PLA1A: variants seen among roughly 807,000 people sequenced by gnomAD.
The protein encoded by PLA1A is phospholipase A1 member A.
A neutral mutation model predicts 49.4 loss-of-function variants in PLA1A; 47 were observed. The observed-to-expected ratio is 0.95, with a 90% CI of 0.75 to 1.21. The LOEUF (loss-of-function observed/expected upper bound fraction) is 1.21, where lower values mean the gene tolerates loss of function less well. PLA1A is among the 50% of genes most tolerant of loss of function. The probability of loss-of-function intolerance (pLI) is 0.00; values close to 1 mark genes in which losing one functional copy is unlikely to be tolerated. For synonymous variants in PLA1A, 224 were observed against 207.9 expected (o/e 1.08, Z -0.67); for missense variants, 561 against 563.9 (o/e 0.99, Z 0.05).
At chr3:119,598,306 C>T (rs1008144939) in intron 1 of PLA1A, among the ~76,000 whole-genome samples, 3 of 152,144 alleles carry the variant, frequency 2.0e-5, no homozygotes, top group Admixed American at 6.5e-5. Context: ...TCATTTTTCA[C>T]CCCATAAATA....
Position 119,609,463 on chromosome 3 carries a change from T to A in PLA1A, c.454-5T>A. The A allele has an allele frequency of 6.3e-7, 1 of 1,586,252 alleles. No individual in the cohort carries two copies. The highest frequency in any genetic ancestry group is 8.7e-7 in the Non-Finnish European group (1 of 1,154,742). Reference sequence around the variant, plus strand: ...ACGGGGAACTCACTGTTCCTGCTCTTCTAGGTGCTGGGTGTGTCGGAATCC... The same window carrying A: ...ACGGGGAACTCACTGTTCCTGCTCTACTAGGTGCTGGGTGTGTCGGAATCC... On this transcript the variant is annotated splice_polypyrimidine_tract_variant and splice_region_variant and intron_variant, in intron 3 of 10. Coordinates refer to ENST00000273371, the MANE Select transcript of PLA1A (RefSeq NM_015900.4).
Position 119,609,637 on chromosome 3 carries a change from T to C in PLA1A, c.562+61T>C. On this transcript the variant is annotated intron_variant, in intron 4 of 10. Coordinates refer to ENST00000273371, the MANE Select transcript of PLA1A (RefSeq NM_015900.4). ...AGATAGAGAAAGCTTGCCCTGAAAA[T>C]ATCTCTTCTAAAGCAAGCAGAGGGG... 4 of 931,936 alleles carry C rather than the reference T, an allele frequency of 4.3e-6. No individual in the cohort carries two copies. In the Middle Eastern group the frequency reaches 8.7e-4, roughly 202 times the overall value. The allele number at this position is 931,936 out of a possible 1,614,324, so 57.7% of individuals were successfully genotyped here.
In PLA1A at chr3:119,619,607, G is replaced by A; in HGVS notation, c.967G>A (p.Glu323Lys). ...GGVKIEPLPK[E>K]VKVYLLTTSS... ...TGTCAAGATAGAGCCGCTCCCCAAG[G>A]AAGTGAAAGTCTACCTCCTGACTAC... Residue 323 changes from glutamate to lysine, a missense_variant, in exon 8 of 11, where the codon GAA (glutamate) becomes AAA (lysine). Transcript: ENST00000273371. 1 of 1,613,860 alleles carries A rather than the reference G, an allele frequency of 6.2e-7. No individual in the cohort carries two copies. The highest frequency in any genetic ancestry group is 8.5e-7 in the Non-Finnish European group (1 of 1,179,738).
chr3:119,624,984 G>C, intron 8 of PLA1A, 140 bp from the exon 9 acceptor site: 1 of 601,010 alleles, frequency 1.7e-6, no homozygotes, highest in East Asian at 2.8e-5. Context: ...GAGGACCTGA[G>C]ATTATAGGTG....
intron 4 of PLA1A, among the ~76,000 whole-genome samples, 191 bp downstream of exon 4, chr3:119,609,767 C>T (rs369537939): frequency 2.6e-5 from 4 of 152,116 alleles, no homozygotes; most frequent in East Asian, 3.8e-4. Context: ...TGCATGATTT[C>T]TAATATCAAT....
chr3:119,615,872 G>A (rs1577147414), intron 5 of PLA1A, 140 bp from the exon 6 acceptor site: 1 of 624,000 alleles, frequency 1.6e-6, no homozygotes, highest in South Asian at 1.9e-5. Context: ...AAATCTGTCT[G>A]AGGGCTCATC....
At chr3:119,613,555 T>TC (rs2082798931) in intron 5 of PLA1A, among the ~76,000 whole-genome samples, 1 of 152,142 alleles carries the variant, frequency 6.6e-6, no homozygotes, top group South Asian at 2.1e-4. Flanking sequence ...ACTTCCCTCC[T>TC]CCCCAGATGA....
intron 3 of PLA1A, 36 bp downstream of exon 3, chr3:119,608,983 C>T (rs773193409): frequency 3.1e-5 from 48 of 1,553,944 alleles, no homozygotes; most frequent in East Asian, 1.8e-4. Context: ...GTTTGGGCTG[C>T]GTATGAGGAG....
chr3:119,614,018 T>C (rs2082808744), intron 5 of PLA1A, among the ~76,000 whole-genome samples: 1 of 152,214 alleles, frequency 6.6e-6, no homozygotes, highest in Non-Finnish European at 1.5e-5. Context: ...GGCATTCCTC[T>C]TCATGTCTGC....
chr3:119,606,772 A>C lies in PLA1A; in HGVS notation c.74-2A>C. The C allele has an allele frequency of 6.2e-7, 1 of 1,612,562 alleles. No individual in the cohort carries two copies. ...TGCTTGTTTTGTTTTGTTTTCCTCCAGGGGATGCACCTCCTACCCCACAGC... is the reference window on the plus strand; with the variant it reads ...TGCTTGTTTTGTTTTGTTTTCCTCCCGGGGATGCACCTCCTACCCCACAGC... On this transcript the variant is annotated splice_acceptor_variant, in intron 1 of 10. Coordinates refer to ENST00000273371, the MANE Select transcript of PLA1A (RefSeq NM_015900.4). LOFTEE classifies it high-confidence loss of function.
At chr3:119,622,146 G>GAAGAA (rs1553794050) in intron 8 of PLA1A, among the ~76,000 whole-genome samples, 59 of 120,882 alleles carry the variant, frequency 4.9e-4, no homozygotes, top group African/African-American at 2.2e-3. Context: ...AGGAGGAGGA[G>GAAGAA]GAGGAAGAAG....
chr3:119,618,184 T>C lies in PLA1A; in HGVS notation c.920T>C (p.Ile307Thr), dbSNP rs2082879178. 5 of 1,612,174 alleles carry C rather than the reference T, an allele frequency of 3.1e-6. No individual in the cohort carries two copies. The highest frequency in any genetic ancestry group is 4.2e-6 in the Non-Finnish European group (5 of 1,178,926). ...FNPFLLSCPRIGLVEQGGVKI... is the reference protein window; with the variant it reads ...FNPFLLSCPRTGLVEQGGVKI... ...CCTTTTCTGCTTTCCTGCCCAAGGA[T>C]AGGTAAAGTGCTACCCCTTTGACTT... The change falls in exon 7 of 11, where the codon ATA becomes ACA. Residue 307 changes from isoleucine to threonine, a missense_variant and splice_region_variant. Ile to Thr is a moderately conservative substitution (Grantham distance 89). Transcript: ENST00000273371.
chr3:119,598,131 A>G (rs368230946), intron 1 of PLA1A, 145 bp downstream of exon 1: 3 of 514,274 alleles, frequency 5.8e-6, no homozygotes, highest in African/African-American at 3.9e-5. Context: ...AGGGGAAAAA[A>G]ACCCCTTTTA....
At chr3:119,617,090 A>G (rs1479413653) in intron 6 of PLA1A, among the ~76,000 whole-genome samples, 1 of 152,252 alleles carries the variant, frequency 6.6e-6, no homozygotes. Context: ...CTGGAGTTGT[A>G]TACAGCTCAC....
At chr3:119,607,250 C>T (rs990283688) in intron 2 of PLA1A, among the ~76,000 whole-genome samples, 18 of 152,180 alleles carry the variant, frequency 1.2e-4, no homozygotes, top group African/African-American at 4.1e-4. Context: ...TACACAGAAC[C>T]TTTATTACCC....
At chr3:119,607,330 A>G (rs774989901) in intron 2 of PLA1A, among the ~76,000 whole-genome samples, 18 of 152,148 alleles carry the variant, frequency 1.2e-4, no homozygotes, top group Non-Finnish European at 2.5e-4. Context: ...TATGGGTGCT[A>G]CTTCCGTCAT....
Position 119,629,572 on chromosome 3 carries a change from A to T in PLA1A, c.*104A>T. On this transcript the variant is annotated 3_prime_UTR_variant, in exon 11 of 11. Coordinates refer to ENST00000273371, the MANE Select transcript of PLA1A (RefSeq NM_015900.4). ...CAGCTTATTGTAGACCATTACTACT[A>T]AGGAGAAAAGCAAAGCTCTTTCTTA... is the stretch of plus-strand genomic sequence containing the variant. 1.5e-6 allele frequency: 1 copy of T among 687,750 alleles called. No homozygotes were observed. The highest frequency in any genetic ancestry group is 2.6e-6 in the Non-Finnish European group (1 of 382,238). 42.6% of individuals were successfully genotyped at this position (687,750 alleles called of 1,614,324 possible). A position where few individuals can be genotyped will look rare whatever the true frequency, so the allele number is the denominator to read the frequency against.
At chr3:119,611,783 A>G (rs1333470638) in intron 4 of PLA1A, among the ~76,000 whole-genome samples, 1 of 152,214 alleles carries the variant, frequency 6.6e-6, no homozygotes, top group Non-Finnish European at 1.5e-5. Context: ...CTCTAGAATC[A>G]TATCATTGAT....
At chr3:119,600,271 A>G (rs2082599946) in intron 1 of PLA1A, 7 of 645,724 alleles carry the variant, frequency 1.1e-5, no homozygotes, top group Non-Finnish European at 2.0e-5. Context: ...TGACAACCCC[A>G]GTCACACCTA....
Sources: allele counts gnomAD v4.1 joint callset (sites outside exome capture counted in the v4.1 genomes callset), GRCh38; gene constraint gnomAD v4.1.1; transcripts MANE v1.5; gene names NCBI Gene and HGNC (gene_info 2026-07-23, HGNC 2026-07-21).